NACC2: variants seen among roughly 807,000 people sequenced by gnomAD.
NACC2 encodes NACC family member 2.
A neutral mutation model predicts 25.1 loss-of-function variants in NACC2; 8 were observed. The observed-to-expected ratio is 0.32, with a 90% CI of 0.19 to 0.57. The LOEUF is 0.57. Ranked by LOEUF, NACC2 falls within the 20% of genes least tolerant of loss-of-function variation. The pLI is 0.89. For synonymous variants in NACC2, 435 were observed against 294.7 expected (o/e 1.48, Z -4.88); for missense variants, 644 against 650.2 (o/e 0.99, Z 0.10).
chr9:136,023,971 G>A (rs965598735), intron 2 of NACC2, among the ~76,000 whole-genome samples: 2 of 152,230 alleles, frequency 1.3e-5, no homozygotes, highest in African/African-American at 4.8e-5. Flanking sequence ...CCACACACAC[G>A]TGCACATGCG....
intron 1 of NACC2, among the ~76,000 whole-genome samples, chr9:136,052,179 C>T (rs1840855391): frequency 6.6e-6 from 1 of 152,186 alleles, no homozygotes. Context: ...TGGTACGAGA[C>T]AGACTTTTGA....
chr9:136,021,476 C>G (rs1036730146), intron 2 of NACC2, among the ~76,000 whole-genome samples: 1 of 152,204 alleles, frequency 6.6e-6, no homozygotes, highest in African/African-American at 2.4e-5. Flanking sequence ...GGCGAGGACA[C>G]GGGGCAGCTG....
At chr9:136,067,443 C>T (rs10114701) in intron 1 of NACC2, among the ~76,000 whole-genome samples, 126,673 of 152,074 alleles carry the variant, frequency 0.83, 55,912 homozygotes, top group East Asian at 1. Context: ...TGATTAACGA[C>T]GGGGATATAT....
rs1382742329 is a variant in NACC2 at position 136,013,996 on chromosome 9, T to C, written c.1052-27A>G. ...TGCAGCCACCAAACAGAAAAAGGGC[T>C]CGTGGCCTTCCCGGGCCATAGGGTC... On this transcript the variant is annotated intron_variant, in intron 3 of 5. Transcript: ENST00000277554. This position sits in a 1 kb window ranked among gnomAD's most constrained non-coding sequence, Gnocchi z 6.6. 2 of 1,443,788 alleles carry C rather than the reference T, an allele frequency of 1.4e-6. No homozygotes were observed. The highest frequency in any genetic ancestry group is 3.3e-5 in the East Asian group (1 of 30,538). 89.4% of individuals were successfully genotyped at this position (1,443,788 alleles called of 1,614,324 possible).
chr9:136,085,185 T>C (rs977703036), intron 1 of NACC2, among the ~76,000 whole-genome samples: 1 of 135,204 alleles, frequency 7.4e-6, no homozygotes, highest in Non-Finnish European at 1.6e-5. Context: ...GTTTCGCTCT[T>C]GTCGCCCAGG....
At chr9:136,045,486 C>G (rs530309210) in intron 2 of NACC2, among the ~76,000 whole-genome samples, 4 of 151,994 alleles carry the variant, frequency 2.6e-5, no homozygotes, top group Admixed American at 2.6e-4. Context: ...CATCTGCCAG[C>G]TGCAATTAAA....
intron 2 of NACC2, among the ~76,000 whole-genome samples, chr9:136,045,913 G>C (rs2131158531): frequency 6.6e-6 from 1 of 152,248 alleles, no homozygotes; most frequent in East Asian, 1.9e-4. Flanking sequence ...GCCCCAGCTG[G>C]CGCTGCCCAC....
At chr9:136,093,163 G>A (rs921495377) in intron 1 of NACC2, among the ~76,000 whole-genome samples, 1 of 152,132 alleles carries the variant, frequency 6.6e-6, no homozygotes, top group Non-Finnish European at 1.5e-5. Flanking sequence ...TCCATCCCTC[G>A]GGCCTGGGAG....
intron 1 of NACC2, among the ~76,000 whole-genome samples, chr9:136,052,312 C>T (rs952366654): frequency 3.9e-4 from 60 of 152,196 alleles, no homozygotes; most frequent in Non-Finnish European, 2.6e-4. Flanking sequence ...TATGAATTAC[C>T]CAGTAAACTG....
intron 2 of NACC2, among the ~76,000 whole-genome samples, chr9:136,023,488 G>A (rs1319774019): frequency 7.2e-5 from 11 of 152,090 alleles, no homozygotes; most frequent in Non-Finnish European, 1.2e-4. Flanking sequence ...TTAGAGCTGA[G>A]GCTTCCTCCA....
chr9:136,006,626 T>C lies in NACC2; in HGVS notation c.*4890A>G, dbSNP rs1840015501. 2 of 151,936 alleles carry C rather than the reference T, an allele frequency of 1.3e-5. No homozygotes were observed. Among genetic ancestry groups the C allele is most frequent in the Admixed American group, 6.5e-5 (1 of 15,270 alleles). 9.4% of individuals were successfully genotyped at this position (151,936 alleles called of 1,614,324 possible). A position where few individuals can be genotyped will look rare whatever the true frequency, so the allele number is the denominator to read the frequency against. Reference sequence around the variant, plus strand: ...ATCACATCCTTTTGTTTGTCATGGATTTCCACTGTCTGAAACGGCTCTGAG... The same window carrying C: ...ATCACATCCTTTTGTTTGTCATGGACTTCCACTGTCTGAAACGGCTCTGAG... On this transcript the variant is annotated 3_prime_UTR_variant, in exon 6 of 6. Transcript: ENST00000277554.
chr9:136,012,048 C>T lies in NACC2; in HGVS notation c.1256-24G>A, dbSNP rs755718730. ...CACTGTGAGGACGGGGCGGCGTGAGCTCAGCCACCTGCCTGCCGGGAGGCC... is the reference window on the plus strand; with the variant it reads ...CACTGTGAGGACGGGGCGGCGTGAGTTCAGCCACCTGCCTGCCGGGAGGCC... On this transcript the variant is annotated intron_variant, in intron 5 of 5. Coordinates refer to ENST00000277554, the MANE Select transcript of NACC2 (RefSeq NM_144653.5). 4.0e-6 allele frequency: 6 copies of T among 1,497,220 alleles called. No homozygotes were observed. The South Asian group carries it at 5.3e-5, about 13-fold the overall frequency. The allele number at this position is 1,497,220 out of a possible 1,614,324, so 92.7% of individuals were successfully genotyped here.
chr9:136,073,231 C>T (rs1830219555), intron 1 of NACC2, among the ~76,000 whole-genome samples: 1 of 151,954 alleles, frequency 6.6e-6, no homozygotes, highest in Non-Finnish European at 1.5e-5. Context: ...AGTCCAAAAC[C>T]AGCCTAGGCA....
chr9:136,077,963 G>A (rs375105093), intron 1 of NACC2, among the ~76,000 whole-genome samples: 3 of 152,100 alleles, frequency 2.0e-5, no homozygotes, highest in African/African-American at 4.8e-5. Flanking sequence ...TAGTAGAGAC[G>A]GGGTTTCACC....
At chr9:136,056,062 A>C (rs1287050779) in intron 1 of NACC2, among the ~76,000 whole-genome samples, 3 of 151,540 alleles carry the variant, frequency 2.0e-5, no homozygotes, top group Non-Finnish European at 4.4e-5. Context: ...ATTTGCTTTG[A>C]CCCTATACCT....
intron 2 of NACC2, among the ~76,000 whole-genome samples, chr9:136,034,020 A>C (rs1185438374): frequency 6.6e-6 from 1 of 152,112 alleles, no homozygotes; most frequent in African/African-American, 2.4e-5. Context: ...TAAGGAACTC[A>C]AACCTGAAAG....
At chr9:136,057,957 G>A (rs1840951090) in intron 1 of NACC2, among the ~76,000 whole-genome samples, 1 of 152,208 alleles carries the variant, frequency 6.6e-6, no homozygotes, top group South Asian at 2.1e-4. Context: ...ACACTCTCAT[G>A]GTTAATATTC....
chr9:136,029,913 G>C (rs1342227065), intron 2 of NACC2, among the ~76,000 whole-genome samples: 2 of 152,198 alleles, frequency 1.3e-5, no homozygotes, highest in Non-Finnish European at 2.9e-5. Context: ...ACAGCCTGCT[G>C]GGCCGAACGG....
intron 1 of NACC2, among the ~76,000 whole-genome samples, chr9:136,066,731 C>G (rs747829791): frequency 1.3e-5 from 2 of 152,080 alleles, no homozygotes; most frequent in Non-Finnish European, 2.9e-5. Flanking sequence ...TGGAAATACA[C>G]AAATGTCTAT....
Sources: allele counts gnomAD v4.1 joint callset (sites outside exome capture counted in the v4.1 genomes callset), GRCh38; gene constraint gnomAD v4.1.1; non-coding constraint Gnocchi (gnomAD v3.1); transcripts MANE v1.5; gene names NCBI Gene and HGNC (gene_info 2026-07-23, HGNC 2026-07-21).